The following ANKRD44 variants were observed in gnomAD, a reference collection of about 807,000 sequenced individuals.
ANKRD44 encodes serine/threonine-protein phosphatase 6 regulatory ankyrin repeat subunit B.
ANKRD44 carries 35 observed loss-of-function variants against 116.0 expected under a neutral mutation model. The ratio of observed to expected loss-of-function variants is 0.30; its 90% CI spans 0.23 to 0.40. ANKRD44 has a LOEUF of 0.40. Ranked by LOEUF, ANKRD44 falls within the 10% of genes least tolerant of loss-of-function variation. The pLI is 1.00. For synonymous variants in ANKRD44, 435 were observed against 461.8 expected, an observed-to-expected ratio of 0.94 and a Z score of 0.74; for missense variants, 1,014 against 1,242.6, an observed-to-expected ratio of 0.82 and a Z score of 2.77.
intron 2 of ANKRD44, among the ~76,000 whole-genome samples, chr2:197,152,085 T>A (rs989601733): frequency 1.3e-5 from 2 of 152,252 alleles, no homozygotes; most frequent in African/African-American, 4.8e-5. Context: ...GAGCCTAGCC[T>A]CTATCTTACA....
chr2:197,276,655 T>G (rs2083094095), intron 1 of ANKRD44, among the ~76,000 whole-genome samples: 1 of 152,246 alleles, frequency 6.6e-6, no homozygotes, highest in Non-Finnish European at 1.5e-5. Context: ...TCCTTTATAT[T>G]ATAATTAGAG....
At chr2:197,101,463 A>G (rs2078292009) in intron 9 of ANKRD44, among the ~76,000 whole-genome samples, 1 of 152,230 alleles carries the variant, frequency 6.6e-6, no homozygotes, top group Admixed American at 6.5e-5. Context: ...AATGGGTACC[A>G]ACTTTCAGTT....
At chr2:197,202,973 A>G (rs1559146533) in intron 1 of ANKRD44, among the ~76,000 whole-genome samples, 1 of 151,872 alleles carries the variant, frequency 6.6e-6, no homozygotes, top group African/African-American at 2.4e-5. Flanking sequence ...ACTAGGTCCC[A>G]CCCCAATAAG....
chr2:197,208,739 G>T (rs544760413), intron 1 of ANKRD44, among the ~76,000 whole-genome samples: 4 of 152,262 alleles, frequency 2.6e-5, no homozygotes, highest in East Asian at 1.9e-4. Context: ...GGCAGAGCTT[G>T]CAGTGAGCCG....
intron 27 of ANKRD44, chr2:196,990,747 A>G: frequency 1.6e-6 from 2 of 1,232,202 alleles, no homozygotes; most frequent in Non-Finnish European, 2.0e-6. Flanking sequence ...GTTACTGCAC[A>G]GGCTAACCAT....
intron 1 of ANKRD44, among the ~76,000 whole-genome samples, chr2:197,281,974 A>C (rs7588530): frequency 0.69 from 105,316 of 152,010 alleles, 37,485 homozygotes; most frequent in African/African-American, 0.85. Flanking sequence ...TAACTGCAGG[A>C]CAGCCGTGGT....
At chr2:197,296,894 G>A (rs78983673) in intron 1 of ANKRD44, among the ~76,000 whole-genome samples, 49 of 152,196 alleles carry the variant, frequency 3.2e-4, no homozygotes, top group African/African-American at 8.9e-4. Flanking sequence ...GTTTTCTACC[G>A]TTATAAATTA....
At position 197,150,339 on chromosome 2, in the gene ANKRD44, G is replaced by A. The variant is rs571410963; in HGVS notation, c.112-3234C>T. 1.1e-4 allele frequency among the ~76,000 whole-genome samples: 17 copies of A among 152,230 alleles called. No homozygotes were observed. In the South Asian group the frequency reaches 3.3e-3, roughly 30 times the overall value. On this transcript the variant is annotated intron_variant, in intron 2 of 27. Transcript: ENST00000282272. ...TGAGGTGGGCGGATCACAAGTTCAG[G>A]AGATTGAGACCATCCTGGCTAACAC... is the stretch of plus-strand genomic sequence containing the variant.
At chr2:197,287,093 T>G (rs1046610535) in intron 1 of ANKRD44, among the ~76,000 whole-genome samples, 1 of 152,062 alleles carries the variant, frequency 6.6e-6, no homozygotes, top group Non-Finnish European at 1.5e-5. Context: ...CTATGGACTT[T>G]GGGTGATGAT....
At chr2:197,278,656 T>C (rs4850784) in intron 1 of ANKRD44, among the ~76,000 whole-genome samples, 85,766 of 152,148 alleles carry the variant, frequency 0.56, 24,855 homozygotes, top group African/African-American at 0.7. Context: ...CTTTTATCCC[T>C]ACAAAGGTAA....
At chr2:197,261,383 G>A (rs1379680805) in intron 1 of ANKRD44, among the ~76,000 whole-genome samples, 1 of 151,848 alleles carries the variant, frequency 6.6e-6, no homozygotes, top group Non-Finnish European at 1.5e-5. Flanking sequence ...AGACCAGATA[G>A]TTGTAGATAT....
At chr2:196,986,589 G>T, downstream of ANKRD44, 2 of 489,410 alleles carry the variant, frequency 4.1e-6, no homozygotes, top group Non-Finnish European at 5.3e-6. Flanking sequence ...AAGTTAATTT[G>T]GCTTGAGGGG....
chr2:196,987,666 A>C lies in ANKRD44; in HGVS notation c.*1925T>G, dbSNP rs1483360613. On this transcript the variant is annotated 3_prime_UTR_variant, in exon 28 of 28. Transcript: ENST00000282272. ...AGAAATACCCTGAGCTATTTACTGT[A>C]GAATCATAGCAGATTTTAGGCAATT... 1 of 985,338 alleles carries C rather than the reference A, an allele frequency of 1.0e-6. No individual in the cohort carries two copies. Among genetic ancestry groups the C allele is most frequent in the Non-Finnish European group, 1.2e-6 (1 of 829,940 alleles). 61.0% of individuals were successfully genotyped at this position (985,338 alleles called of 1,614,324 possible). A position where few individuals can be genotyped will look rare whatever the true frequency, so the allele number is the denominator to read the frequency against.
At position 197,005,718 on chromosome 2, in the gene ANKRD44, G is replaced by A; in HGVS notation, c.2323C>T (p.Pro775Ser). ...CCATTGTAACAAGCCCAGTGCAGCGGCGTGTAGCCTTGGTTATCTTTGAAA... is the reference window on the plus strand; with the variant it reads ...CCATTGTAACAAGCCCAGTGCAGCGACGTGTAGCCTTGGTTATCTTTGAAA... Reference protein sequence around the residue: ...CCFKDNQGYTPLHWACYNGNE... With the variant: ...CCFKDNQGYTSLHWACYNGNE... Residue 775 changes from proline to serine, a missense_variant, in exon 21 of 28, where the codon CCG becomes TCG. By Grantham distance (74) the Pro-to-Ser change is moderately conservative. Transcript: ENST00000282272. 1 of 1,614,212 alleles carries A rather than the reference G, an allele frequency of 6.2e-7. No individual in the cohort carries two copies. The highest frequency in any genetic ancestry group is 8.5e-7 in the Non-Finnish European group (1 of 1,180,048).
chr2:197,094,934 T>C (rs574129922), intron 10 of ANKRD44, among the ~76,000 whole-genome samples: 1 of 152,344 alleles, frequency 6.6e-6, no homozygotes, highest in South Asian at 2.1e-4. Flanking sequence ...TTGTCTAATC[T>C]GAATATTCTA....
At chr2:196,985,366 G>GC (rs893350749), downstream of ANKRD44, among the ~76,000 whole-genome samples, 1 of 152,208 alleles carries the variant, frequency 6.6e-6, no homozygotes, top group African/African-American at 2.4e-5. Context: ...TTGTTACACA[G>GC]CAATAGATAA....
chr2:197,296,360 T>C (rs1270473943), intron 1 of ANKRD44: 1 of 152,226 alleles, frequency 6.6e-6, no homozygotes, highest in Non-Finnish European at 1.5e-5. Flanking sequence ...TTGTTTCTTT[T>C]GCAGTGTAAG....
intron 16 of ANKRD44, among the ~76,000 whole-genome samples, chr2:197,077,211 A>T (rs1437866): frequency 6.6e-6 from 1 of 152,038 alleles, no homozygotes; most frequent in South Asian, 2.1e-4. Flanking sequence ...GACTGGTATG[A>T]GATGGTACCT....
At chr2:196,971,425 C>T (rs979444230) in intron 21 of ANKRD44, among the ~76,000 whole-genome samples, 1 of 152,084 alleles carries the variant, frequency 6.6e-6, no homozygotes, top group Non-Finnish European at 1.5e-5. Context: ...GGTGCGATCT[C>T]GGCTCACTGC....
Sources: allele counts gnomAD v4.1 joint callset (sites outside exome capture counted in the v4.1 genomes callset), GRCh38; gene constraint gnomAD v4.1.1; transcripts MANE v1.5; gene names NCBI Gene and HGNC (gene_info 2026-07-23, HGNC 2026-07-21).